Variants in HFM1 observed in about 807,000 individuals in gnomAD.
The protein encoded by HFM1 is helicase for meiosis 1, also known as probable ATP-dependent DNA helicase HFM1.
HFM1 carries 169 observed loss-of-function variants against 192.1 expected under a neutral mutation model. That is an observed-to-expected ratio of 0.88 (90% CI 0.78 to 1.00). The LOEUF is 1.00. HFM1 is among the 50% of genes least tolerant of loss of function. The pLI, the probability that HFM1 is intolerant of heterozygous loss-of-function variation, is 0.00. For synonymous variants in HFM1, 525 were observed against 537.8 expected (o/e 0.98, Z 0.33); for missense variants, 1,661 against 1,668.0 (o/e 1.00, Z 0.07).
chr1:91,266,096 TG>T lies in HFM1; in HGVS notation c.3894del (p.Asn1298LysfsTer3). 1 of 1,590,480 alleles carries T rather than the reference TG, an allele frequency of 6.3e-7. No homozygotes were observed. Among genetic ancestry groups the T allele is most frequent in the South Asian group, 1.2e-5 (1 of 86,582 alleles). On this transcript the variant is annotated frameshift_variant, in exon 36 of 39. Transcript: ENST00000370425. LOFTEE classifies it high-confidence loss of function. ...TEKTKISGFGNTLSSSTRGSK... is the reference protein window; with the variant it reads ...TEKTKISGFGXTLSSSTRGSK... ...CTTCCCCTGGTACTTGAACTCAAAG[TG>T]TTTCCAAATCCTATGTGAAGAGATA...
At chr1:91,326,152 T>C (rs1470404248) in intron 20 of HFM1, among the ~76,000 whole-genome samples, 2 of 152,182 alleles carry the variant, frequency 1.3e-5, no homozygotes, top group African/African-American at 4.8e-5. Flanking sequence ...CTAAGAGTTA[T>C]TGACCTTAAA....
Position 91,293,741 on chromosome 1 carries a change from C to G in HFM1, c.3392-16679G>C, listed in dbSNP as rs1431169450. On this transcript the variant is annotated intron_variant, in intron 30 of 38. Coordinates refer to ENST00000370425, the MANE Select transcript of HFM1 (RefSeq NM_001017975.6). ...TATAAATCATGCTGCTATAAAGACA[C>G]ATGCACACGTATGTTTATTGCGGCA... Among the ~76,000 whole-genome samples, 3 of 151,052 alleles carry G rather than the reference C, an allele frequency of 2.0e-5. No homozygotes were observed. In the East Asian group the frequency reaches 5.8e-4, roughly 29 times the overall value.
At chr1:91,373,369 C>A (rs1660495282) in intron 13 of HFM1, among the ~76,000 whole-genome samples, 1 of 152,058 alleles carries the variant, frequency 6.6e-6, no homozygotes, top group African/African-American at 2.4e-5. Context: ...AGTCTGAGGT[C>A]TACCACTAAA....
At chr1:91,396,226 G>GT (rs1663638824) in intron 3 of HFM1, 67 bp downstream of exon 3, 1 of 713,366 alleles carries the variant, frequency 1.4e-6, no homozygotes, top group Non-Finnish European at 2.3e-6. Flanking sequence ...TCAAATCAGG[G>GT]TTTTTTAAAA....
intron 25 of HFM1, among the ~76,000 whole-genome samples, chr1:91,317,256 A>G (rs1158315625): frequency 2.6e-5 from 4 of 152,152 alleles, no homozygotes; most frequent in African/African-American, 9.7e-5. Context: ...CTCTACTAAA[A>G]ATACAAAATT....
chr1:91,329,294 G>A, intron 20 of HFM1: 3 of 1,608,704 alleles, frequency 1.9e-6, no homozygotes, highest in South Asian at 2.2e-5. Context: ...AAGAAGAGCT[G>A]GTCAAGTTCG....
At chr1:91,398,049 G>A (rs569803239) in intron 2 of HFM1, among the ~76,000 whole-genome samples, 5 of 152,318 alleles carry the variant, frequency 3.3e-5, no homozygotes, top group South Asian at 2.1e-4. Flanking sequence ...GTAAGCCACT[G>A]TTGTCAGTTA....
Position 91,287,319 on chromosome 1 carries a change from G to T in HFM1, c.3392-10257C>A, listed in dbSNP as rs922844409. On this transcript the variant is annotated intron_variant, in intron 30 of 38. Coordinates refer to ENST00000370425, the MANE Select transcript of HFM1 (RefSeq NM_001017975.6). ...CAGCATGCAGCTGGAGATCTGAGAA[G>T]GGGCAGACTGCCTCCTCAAGTGAGT... Among the ~76,000 whole-genome samples the T allele has an allele frequency of 8.5e-5, 13 of 152,296 alleles. No homozygotes were observed. In the East Asian group the frequency reaches 1.2e-3, roughly 14 times the overall value.
At position 91,348,284 on chromosome 1, in the gene HFM1, AT is replaced by A. The variant is rs1656412864; in HGVS notation, c.2207-809del. Among the ~76,000 whole-genome samples the A allele has an allele frequency of 2.0e-5, 3 of 152,310 alleles. No individual in the cohort carries two copies. The South Asian group carries it at 6.2e-4, about 32-fold the overall frequency. On this transcript the variant is annotated intron_variant, in intron 18 of 38. Transcript: ENST00000370425. ...AATTAAAACATGAAAAGATACCAAT[AT>A]TCATACATAATATTGATAAAAATAC...
chr1:91,275,303 G>A (rs1666707407), intron 32 of HFM1, among the ~76,000 whole-genome samples: 1 of 151,994 alleles, frequency 6.6e-6, no homozygotes, highest in African/African-American at 2.4e-5. Flanking sequence ...CATTCTTCAT[G>A]GTTCTTTACT....
intron 20 of HFM1, chr1:91,328,335 C>A: frequency 6.6e-7 from 1 of 1,506,446 alleles, no homozygotes; most frequent in South Asian, 1.3e-5. Context: ...CTTTAGCCGC[C>A]GAGGCCTCGT....
intron 30 of HFM1, among the ~76,000 whole-genome samples, chr1:91,288,672 G>A (rs887246185): frequency 2.0e-4 from 31 of 152,242 alleles, no homozygotes; most frequent in African/African-American, 5.1e-4. Context: ...CACAGCACAC[G>A]TTTGAGAGCA....
At position 91,375,513 on chromosome 1, in the gene HFM1, T is replaced by C. The variant is rs538229333; in HGVS notation, c.1596+14A>G. 1.7e-5 allele frequency: 28 copies of C among 1,611,914 alleles called. No individual in the cohort carries two copies. The South Asian group carries it at 3.0e-4, about 17-fold the overall frequency. On this transcript the variant is annotated intron_variant, in intron 12 of 38. Transcript: ENST00000370425. ...ACTGAATATACTAAAAAATAAGCTATCAACAATCCATACCACAAGTGTGGG... is the reference window on the plus strand; with the variant it reads ...ACTGAATATACTAAAAAATAAGCTACCAACAATCCATACCACAAGTGTGGG...
chr1:91,261,968 A>G (rs1299368994), intron 38 of HFM1, among the ~76,000 whole-genome samples: 2 of 152,222 alleles, frequency 1.3e-5, no homozygotes, highest in Non-Finnish European at 2.9e-5. Context: ...CAAAATTAAC[A>G]TACTGTATTC....
At chr1:91,288,494 G>T (rs940526974) in intron 30 of HFM1, among the ~76,000 whole-genome samples, 8 of 151,646 alleles carry the variant, frequency 5.3e-5, no homozygotes, top group Admixed American at 4.6e-4. Context: ...GTGAACAAAG[G>T]TCTCTGGTTT....
intron 30 of HFM1, among the ~76,000 whole-genome samples, chr1:91,294,816 T>C (rs1163491174): frequency 2.0e-5 from 3 of 152,196 alleles, no homozygotes; most frequent in Non-Finnish European, 4.4e-5. Flanking sequence ...CATTCCAAAA[T>C]ACATCTTTTG....
At chr1:91,311,452 C>G (rs1650436183) in intron 30 of HFM1, among the ~76,000 whole-genome samples, 1 of 151,930 alleles carries the variant, frequency 6.6e-6, no homozygotes, top group East Asian at 1.9e-4. Context: ...ATGGTGAAAC[C>G]CTGTCTCTAC....
At chr1:91,339,043 C>T (rs2101608127) in intron 20 of HFM1, 1 of 455,156 alleles carries the variant, frequency 2.2e-6, no homozygotes, top group Admixed American at 2.4e-5. Context: ...AGAAACAAAG[C>T]CAGTCAACTA....
intron 1 of HFM1, among the ~76,000 whole-genome samples, chr1:91,403,756 C>T (rs1664553219): frequency 6.6e-6 from 1 of 151,932 alleles, no homozygotes; most frequent in Non-Finnish European, 1.5e-5. Flanking sequence ...TTTGCGGTGC[C>T]GACCTTCTCT....
Sources: allele counts gnomAD v4.1 joint callset (sites outside exome capture counted in the v4.1 genomes callset), GRCh38; gene constraint gnomAD v4.1.1; transcripts MANE v1.5; gene names NCBI Gene and HGNC (gene_info 2026-07-23, HGNC 2026-07-21).